Variants in COLGALT2 observed in about 807,000 individuals in gnomAD.
COLGALT2 encodes the protein collagen beta(1-O)galactosyltransferase 2.
COLGALT2 carries 49 observed loss-of-function variants against 73.4 expected under a neutral mutation model. The ratio of observed to expected loss-of-function variants is 0.67; its 90% CI spans 0.53 to 0.85. COLGALT2 has a LOEUF of 0.85. Ranked by LOEUF, COLGALT2 falls within the 40% of genes least tolerant of loss-of-function variation. COLGALT2 has a pLI of 0.00. For missense variants in COLGALT2, 722 were observed against 790.2 expected (o/e 0.91, Z 1.03); for synonymous variants, 295 against 307.6 (o/e 0.96, Z 0.43).
In COLGALT2 at chr1:183,945,552, T is replaced by A. The variant is rs199635432; in HGVS notation, c.1149A>T (p.Thr383=). ...VEAVDGKALN[T]SQLKALNIEM... is the part of the protein sequence containing the mutation. ...CAATATTCAGTGCCTTCAGCTGGCT[T>A]GTGTTGAGTGCCCTGCATCACATAA... The change falls in exon 9 of 12, where the codon ACA becomes ACT. Residue 383 remains threonine (T), a synonymous_variant. Transcript: ENST00000361927. 2.2e-5 allele frequency: 35 copies of A among 1,614,158 alleles called. No homozygotes were observed. The Admixed American group carries it at 3.0e-4, about 14-fold the overall frequency.
chr1:184,007,354 T>C (rs1672113869), intron 1 of COLGALT2, among the ~76,000 whole-genome samples: 1 of 152,208 alleles, frequency 6.6e-6, no homozygotes, highest in South Asian at 2.1e-4. Flanking sequence ...TCTCAACAAC[T>C]CTAAAAGAGA....
intron 11 of COLGALT2, among the ~76,000 whole-genome samples, chr1:183,930,821 A>G (rs952263695): frequency 1.3e-5 from 2 of 152,100 alleles, no homozygotes; most frequent in African/African-American, 4.8e-5. Flanking sequence ...TACTTTACAG[A>G]TGTAGTTGTA....
At position 184,037,295 on chromosome 1, in the gene COLGALT2, G is replaced by C; in HGVS notation, c.63C>G (p.Leu21=). 3 of 1,542,266 alleles carry C rather than the reference G, an allele frequency of 1.9e-6. No individual in the cohort carries two copies. The highest frequency in any genetic ancestry group is 2.8e-5 in the African/African-American group (2 of 72,344). Residue 21 remains leucine, a synonymous_variant, in exon 1 of 12, where the codon CTC becomes CTG. Coordinates refer to ENST00000361927, the MANE Select transcript of COLGALT2 (RefSeq NM_015101.4). Reference sequence around the variant, plus strand: ...CGAAGCGCGCTCGGCAGCCTTCGCGGAGCAGGGCTGAGGAGAGGAGCAGTA... The same window carrying C: ...CGAAGCGCGCTCGGCAGCCTTCGCGCAGCAGGGCTGAGGAGAGGAGCAGTA... ...WSLLLLSSAL[L]REGCRARFVA... is the part of the protein sequence containing the mutation.
chr1:184,033,451 C>T (rs1649577238), intron 1 of COLGALT2, among the ~76,000 whole-genome samples: 1 of 152,174 alleles, frequency 6.6e-6, no homozygotes, highest in South Asian at 2.1e-4. Flanking sequence ...TCCTTAGGTC[C>T]TTATCACAGG....
chr1:183,975,749 G>A (rs76498318), intron 2 of COLGALT2, among the ~76,000 whole-genome samples: 2,892 of 152,270 alleles, frequency 0.019, 84 homozygotes, highest in African/African-American at 0.067. Flanking sequence ...AAGTGAGGTC[G>A]TGGGATCTCT....
intron 1 of COLGALT2, 75 bp downstream of exon 1, chr1:184,037,020 G>T: frequency 1.6e-6 from 2 of 1,239,314 alleles, no homozygotes; most frequent in Non-Finnish European, 1.0e-6. Flanking sequence ...TGCAGCTGCT[G>T]CTCCGGGCGC....
intron 2 of COLGALT2, 101 bp downstream of exon 2, chr1:183,978,307 GAC>G (rs1327690334): frequency 1.7e-5 from 11 of 643,458 alleles, no homozygotes; most frequent in Non-Finnish European, 2.2e-5. Context: ...AGAAATGAAA[GAC>G]AATGAAAAGT....
At chr1:183,971,619 C>A (rs1004557899) in intron 4 of COLGALT2, among the ~76,000 whole-genome samples, 7 of 152,170 alleles carry the variant, frequency 4.6e-5, no homozygotes, top group African/African-American at 9.7e-5. Flanking sequence ...GAACATATTA[C>A]CTTCCCAAAA....
chr1:183,941,816 T>C (rs1670121155), intron 10 of COLGALT2, among the ~76,000 whole-genome samples: 1 of 152,222 alleles, frequency 6.6e-6, no homozygotes, highest in South Asian at 2.1e-4. Context: ...TATCGAGCAC[T>C]TGAGAGGAAC....
Position 183,935,969 on chromosome 1 carries a change from T to A in COLGALT2, c.*2792A>T, listed in dbSNP as rs1211572437. ...GTCCACTCTTTCTTGTTCTCAGAGC[T>A]CCTGCAGCAGGCCTGAATGAACCGC... On this transcript the variant is annotated 3_prime_UTR_variant, in exon 12 of 12. Coordinates refer to ENST00000361927, the MANE Select transcript of COLGALT2 (RefSeq NM_015101.4). The A allele has an allele frequency of 1.0e-6, 1 of 985,134 alleles. No individual in the cohort carries two copies. Among genetic ancestry groups the A allele is most frequent in the Admixed American group, 6.2e-5 (1 of 16,198 alleles). The allele number at this position is 985,134 out of a possible 1,614,324, so 61.0% of individuals were successfully genotyped here.
At chr1:184,031,064 T>C (rs1252421088) in intron 1 of COLGALT2, among the ~76,000 whole-genome samples, 9 of 152,344 alleles carry the variant, frequency 5.9e-5, no homozygotes, top group African/African-American at 2.2e-4. Context: ...GAGGAAATAT[T>C]CTGAGCTCCA....
chr1:184,028,178 G>A (rs186978698), intron 1 of COLGALT2, among the ~76,000 whole-genome samples: 4 of 152,312 alleles, frequency 2.6e-5, no homozygotes, highest in East Asian at 1.9e-4. Flanking sequence ...AAGGGACTCC[G>A]TGTCGGGAAT....
chr1:183,974,041 T>C (rs1338814627), intron 3 of COLGALT2, among the ~76,000 whole-genome samples: 2 of 152,242 alleles, frequency 1.3e-5, no homozygotes, highest in African/African-American at 2.4e-5. Flanking sequence ...GCTAGTGTTT[T>C]AGGCACAAGA....
chr1:184,003,389 A>G (rs1391077918), intron 1 of COLGALT2, among the ~76,000 whole-genome samples: 1 of 152,140 alleles, frequency 6.6e-6, no homozygotes, highest in Non-Finnish European at 1.5e-5. Context: ...ACACATGGAG[A>G]GACCATGTGC....
chr1:184,004,913 G>A (rs1672029035), intron 1 of COLGALT2, among the ~76,000 whole-genome samples: 1 of 152,154 alleles, frequency 6.6e-6, no homozygotes, highest in Non-Finnish European at 1.5e-5. Flanking sequence ...AGTTGATTCT[G>A]AAGGCCATCA....
intron 8 of COLGALT2, chr1:183,946,204 G>A (rs1670244969): frequency 6.6e-6 from 1 of 152,234 alleles, no homozygotes; most frequent in Admixed American, 6.5e-5. Context: ...ACTATCTGCA[G>A]GTCATTTGTC....
chr1:183,973,829 G>T, intron 3 of COLGALT2, 79 bp from the exon 4 acceptor site: 1 of 1,394,512 alleles, frequency 7.2e-7, no homozygotes, highest in Non-Finnish European at 9.9e-7. Context: ...CCCTTCTGAA[G>T]GATCCCAGAA....
intron 8 of COLGALT2, among the ~76,000 whole-genome samples, chr1:183,946,985 C>T (rs749195162): frequency 6.0e-4 from 91 of 151,972 alleles, no homozygotes; most frequent in Non-Finnish European, 1.0e-3. Flanking sequence ...GAGCCAAGAT[C>T]GTGCCATTGC....
chr1:184,011,946 T>C (rs1462248704), intron 1 of COLGALT2, among the ~76,000 whole-genome samples: 2 of 152,340 alleles, frequency 1.3e-5, no homozygotes, highest in East Asian at 3.9e-4. Flanking sequence ...TTCATAATTG[T>C]GTAATCTCCA....
Sources: gnomAD v4.1 joint callset for allele counts (sites outside exome capture counted in the v4.1 genomes callset) on GRCh38, gnomAD v4.1.1 for gene constraint, MANE v1.5 for transcripts, NCBI Gene and HGNC (gene_info 2026-07-23, HGNC 2026-07-21) for gene names.